Variants in SULF1 observed in about 807,000 individuals in gnomAD.
SULF1 encodes sulfatase 1.
SULF1 carries 46 observed loss-of-function variants against 110.5 expected under a neutral mutation model. The observed-to-expected ratio is 0.42, with a 90% CI of 0.33 to 0.53. The LOEUF is 0.53. Among genes scored for constraint, SULF1 ranks in the 20% least tolerant of loss-of-function variants. SULF1 has a pLI of 0.12. For synonymous variants in SULF1, 371 were observed against 387.1 expected (o/e 0.96, Z 0.49); for missense variants, 941 against 1,094.2 (o/e 0.86, Z 1.98).
chr8:69,565,985 A>T (rs1458592896), intron 5 of SULF1, among the ~76,000 whole-genome samples: 1 of 151,858 alleles, frequency 6.6e-6, no homozygotes, highest in African/African-American at 2.4e-5. Context: ...AACCCAGTTC[A>T]TGTCATGCGC....
intron 1 of SULF1, among the ~76,000 whole-genome samples, chr8:69,493,562 T>G (rs1393445620): frequency 2.6e-5 from 4 of 152,170 alleles, no homozygotes; most frequent in African/African-American, 9.7e-5. Flanking sequence ...CACTTTGGTC[T>G]TCAGTTTCTC....
chr8:69,595,267 C>A (rs904969268), intron 8 of SULF1, among the ~76,000 whole-genome samples: 1 of 152,148 alleles, frequency 6.6e-6, no homozygotes, highest in South Asian at 2.1e-4. Context: ...ATTCTCTTGG[C>A]CCCAGGTGAT....
intron 19 of SULF1, among the ~76,000 whole-genome samples, chr8:69,632,327 G>A (rs1388748102): frequency 6.6e-6 from 1 of 152,080 alleles, no homozygotes; most frequent in Non-Finnish European, 1.5e-5. Flanking sequence ...GTAAAAAAAT[G>A]CACCTTATAT....
chr8:69,578,425 C>T (rs1432987313), intron 6 of SULF1, among the ~76,000 whole-genome samples: 1 of 151,766 alleles, frequency 6.6e-6, no homozygotes, highest in African/African-American at 2.4e-5. Flanking sequence ...CATATGTATA[C>T]ATGTGCCGTG....
intron 6 of SULF1, among the ~76,000 whole-genome samples, chr8:69,576,414 T>C (rs931942650): frequency 2.0e-5 from 3 of 152,222 alleles, no homozygotes; most frequent in Admixed American, 2.0e-4. Context: ...GAAAAACTGA[T>C]GGGTAAATCA....
At chr8:69,575,546 G>GTAGTAATCTACAC in intron 5 of SULF1, among the ~76,000 whole-genome samples, 1 of 151,774 alleles carries the variant, frequency 6.6e-6, no homozygotes, top group East Asian at 1.9e-4. Context: ...AAATGCTATA[G>GTAGTAATCTACAC]TAGTAATCTA....
At chr8:69,471,818 G>T (rs781366867) in intron 1 of SULF1, among the ~76,000 whole-genome samples, 5 of 152,166 alleles carry the variant, frequency 3.3e-5, no homozygotes, top group Non-Finnish European at 7.4e-5. Flanking sequence ...TCAATAAATG[G>T]AAGTGAGAGA....
intron 3 of SULF1, among the ~76,000 whole-genome samples, chr8:69,531,860 G>C (rs1030221422): frequency 6.6e-6 from 1 of 152,076 alleles, no homozygotes; most frequent in Non-Finnish European, 1.5e-5. Context: ...GTATCAACAC[G>C]GGAAAGAGAG....
At chr8:69,581,320 T>A (rs148814290) in intron 6 of SULF1, among the ~76,000 whole-genome samples, 26 of 152,358 alleles carry the variant, frequency 1.7e-4, no homozygotes, top group African/African-American at 6.3e-4. Flanking sequence ...GCATCAGATC[T>A]TTGGGTTAGT....
At chr8:69,573,362 T>G (rs1805377288) in intron 5 of SULF1, among the ~76,000 whole-genome samples, 1 of 152,206 alleles carries the variant, frequency 6.6e-6, no homozygotes, top group African/African-American at 2.4e-5. Context: ...TGGGATAAGT[T>G]TTAGCCCCTG....
At chr8:69,610,201 C>T (rs2130463183) in intron 13 of SULF1, among the ~76,000 whole-genome samples, 1 of 152,298 alleles carries the variant, frequency 6.6e-6, no homozygotes, top group East Asian at 1.9e-4. Flanking sequence ...GTGAGGACCC[C>T]TGCATCAAGC....
intron 5 of SULF1, among the ~76,000 whole-genome samples, chr8:69,573,005 T>G (rs988995316): frequency 6.6e-6 from 1 of 152,206 alleles, no homozygotes; most frequent in African/African-American, 2.4e-5. Flanking sequence ...TTTTGTATTT[T>G]CAGTAGGGAC....
At position 69,636,123 on chromosome 8, in the gene SULF1, C is replaced by G. The variant is rs375748834; in HGVS notation, c.2285-2379C>G. 5.0e-4 allele frequency among the ~76,000 whole-genome samples: 76 copies of G among 152,236 alleles called. 2 individuals carry two copies. The South Asian group carries it at 0.015, about 30-fold the overall frequency. ...TGCAAAAGCAATTGCAGTTTCAGAC[C>G]GTGAATTTTAAATCATTATAACTGG... On this transcript the variant is annotated intron_variant, in intron 19 of 22. Coordinates refer to ENST00000402687, the MANE Select transcript of SULF1 (RefSeq NM_001128205.2).
chr8:69,573,898 G>A (rs569241269), intron 5 of SULF1, among the ~76,000 whole-genome samples: 3 of 152,266 alleles, frequency 2.0e-5, no homozygotes, highest in Admixed American at 6.5e-5. Flanking sequence ...AAACTTCAAG[G>A]TGTTAGCCAA....
At chr8:69,658,473 C>T (rs753903067) in intron 22 of SULF1, 32 bp from the exon 23 acceptor site, 8 of 1,530,836 alleles carry the variant, frequency 5.2e-6, no homozygotes, top group East Asian at 2.3e-5. Flanking sequence ...CTTTTCTCCA[C>T]TAATGATTCA....
chr8:69,565,683 C>A (rs1166331911), intron 5 of SULF1, among the ~76,000 whole-genome samples: 1 of 152,168 alleles, frequency 6.6e-6, no homozygotes, highest in East Asian at 1.9e-4. Flanking sequence ...TTTCAAGTAT[C>A]TCTCTGATCA....
chr8:69,546,077 G>A (rs1360427081), intron 3 of SULF1, among the ~76,000 whole-genome samples: 5 of 152,294 alleles, frequency 3.3e-5, no homozygotes, highest in East Asian at 1.9e-4. Context: ...GGCACATAGA[G>A]TTGCTAGGGC....
At chr8:69,592,068 A>G (rs1196106547) in intron 8 of SULF1, among the ~76,000 whole-genome samples, 1 of 152,202 alleles carries the variant, frequency 6.6e-6, no homozygotes, top group Non-Finnish European at 1.5e-5. Flanking sequence ...AAGCCTTCAT[A>G]TCTTTGAAGG....
intron 3 of SULF1, among the ~76,000 whole-genome samples, chr8:69,540,339 TG>T (rs1813774658): frequency 6.6e-6 from 1 of 152,264 alleles, no homozygotes. Flanking sequence ...ATCTAATATT[TG>T]TAAGGCACTT....
Sources: gnomAD v4.1 joint callset for allele counts (sites outside exome capture counted in the v4.1 genomes callset) on GRCh38, gnomAD v4.1.1 for gene constraint, MANE v1.5 for transcripts, NCBI Gene and HGNC (gene_info 2026-07-23, HGNC 2026-07-21) for gene names.